Variants in MSRA observed in about 807,000 individuals in gnomAD.
MSRA encodes methionine sulfoxide reductase A.
Under a neutral mutation model 31.3 loss-of-function variants are expected in MSRA, and 54 were observed. That is an observed-to-expected ratio of 1.73 (90% CI 1.39 to 2.17). MSRA has a LOEUF of 2.17. Among genes scored for constraint, MSRA ranks in the 30% most tolerant of loss-of-function variants. The probability of loss-of-function intolerance (pLI) is 0.00; values close to 1 mark genes in which losing one functional copy is unlikely to be tolerated. For synonymous variants in MSRA, 169 were observed against 116.5 expected (o/e 1.45, Z -2.90); for missense variants, 507 against 300.9 (o/e 1.69, Z -5.07).
At chr8:10,115,011 A>G (rs888317669) in intron 1 of MSRA, among the ~76,000 whole-genome samples, 3 of 152,230 alleles carry the variant, frequency 2.0e-5, no homozygotes, top group East Asian at 1.9e-4. Context: ...ATTAGTTATT[A>G]AACAGTGTAG....
At chr8:10,056,818 C>G (rs966736540) in intron 1 of MSRA, among the ~76,000 whole-genome samples, 2 of 152,266 alleles carry the variant, frequency 1.3e-5, no homozygotes, top group African/African-American at 4.8e-5. Flanking sequence ...CTCCTCCCTT[C>G]TCTATATTAC....
At chr8:10,122,328 C>T (rs1406007538) in intron 1 of MSRA, among the ~76,000 whole-genome samples, 2 of 152,200 alleles carry the variant, frequency 1.3e-5, no homozygotes, top group Non-Finnish European at 2.9e-5. Flanking sequence ...GAGAAGCATA[C>T]TTTGTGAGGA....
intron 1 of MSRA, among the ~76,000 whole-genome samples, chr8:10,195,946 G>C (rs991148862): frequency 2.0e-5 from 3 of 152,224 alleles, no homozygotes; most frequent in Non-Finnish European, 2.9e-5. Context: ...CAGTGTTCAA[G>C]GGTGAAAGGT....
At chr8:10,220,926 A>G (rs925258547) in intron 2 of MSRA, among the ~76,000 whole-genome samples, 1 of 152,198 alleles carries the variant, frequency 6.6e-6, no homozygotes, top group African/African-American at 2.4e-5. Context: ...AGGAGCAGGA[A>G]GTGACAGCTA....
In MSRA at chr8:10,067,874, G is replaced by GTT. The variant is rs71203303; in HGVS notation, c.142+13243_142+13244dup. Among the ~76,000 whole-genome samples, 6 of 49,368 alleles carry GTT rather than the reference G, an allele frequency of 1.2e-4. 1 individual carries two copies. Among genetic ancestry groups the GTT allele is most frequent in the African/African-American group, 3.3e-4 (6 of 17,984 alleles). 32.4% of individuals were successfully genotyped at this position (49,368 alleles called of 152,430 possible). On this transcript the variant is annotated intron_variant, in intron 1 of 5. Coordinates refer to ENST00000317173, the MANE Select transcript of MSRA (RefSeq NM_012331.5). ...TTCAGTTGGGTTGTTTTCTTACTGA[G>GTT]TTTTTTTTTTTTTTTTTTTTTTTTT...
At chr8:10,164,249 C>G (rs550355110) in intron 1 of MSRA, among the ~76,000 whole-genome samples, 2 of 152,322 alleles carry the variant, frequency 1.3e-5, no homozygotes, top group East Asian at 1.9e-4. Context: ...CTAGTCTTAT[C>G]TGTCCTGACC....
At chr8:10,068,966 T>G (rs1797598953) in intron 1 of MSRA, among the ~76,000 whole-genome samples, 1 of 152,234 alleles carries the variant, frequency 6.6e-6, no homozygotes, top group South Asian at 2.1e-4. Context: ...CATCAGATTT[T>G]TAGTCTTGTT....
chr8:10,206,239 G>A (rs926307080), intron 1 of MSRA, among the ~76,000 whole-genome samples: 1 of 152,108 alleles, frequency 6.6e-6, no homozygotes, highest in Non-Finnish European at 1.5e-5. Flanking sequence ...GTAACCAGTG[G>A]TCCTAACCAG....
chr8:10,402,520 C>T (rs569225062), intron 5 of MSRA, among the ~76,000 whole-genome samples: 3 of 152,340 alleles, frequency 2.0e-5, no homozygotes, highest in African/African-American at 7.2e-5. Context: ...CGCAAGCATC[C>T]AGTGCCCCCA....
At chr8:10,343,918 G>A (rs1803604633) in intron 5 of MSRA, among the ~76,000 whole-genome samples, 1 of 152,158 alleles carries the variant, frequency 6.6e-6, no homozygotes, top group South Asian at 2.1e-4. Context: ...TATCAATAAT[G>A]AATGAATCAA....
At chr8:10,250,805 C>T in intron 3 of MSRA, 1 of 262,306 alleles carries the variant, frequency 3.8e-6, no homozygotes, top group Non-Finnish European at 7.1e-6. Flanking sequence ...GGCAATGCTG[C>T]TTGATGAAAC....
chr8:10,221,120 C>T (rs1451072687), intron 2 of MSRA, among the ~76,000 whole-genome samples: 1 of 152,180 alleles, frequency 6.6e-6, no homozygotes, highest in Non-Finnish European at 1.5e-5. Flanking sequence ...CTCTGCTTTC[C>T]CACGTGCAGA....
At chr8:10,165,288 T>A (rs945754250) in intron 1 of MSRA, among the ~76,000 whole-genome samples, 2 of 152,176 alleles carry the variant, frequency 1.3e-5, no homozygotes, top group African/African-American at 4.8e-5. Context: ...GAACAACCAC[T>A]CTGCTCTCCA....
chr8:10,239,578 C>G (rs1294163590), intron 2 of MSRA, among the ~76,000 whole-genome samples: 3 of 152,232 alleles, frequency 2.0e-5, no homozygotes, highest in African/African-American at 4.8e-5. Flanking sequence ...ACGATTGTAC[C>G]TGGCAAACTC....
At chr8:10,400,858 A>G (rs1436478146) in intron 5 of MSRA, among the ~76,000 whole-genome samples, 2 of 152,208 alleles carry the variant, frequency 1.3e-5, no homozygotes, top group Admixed American at 6.5e-5. Flanking sequence ...ACCTCACACC[A>G]TACACAACAA....
At chr8:10,408,189 C>G (rs1316526186) in intron 5 of MSRA, among the ~76,000 whole-genome samples, 1 of 152,120 alleles carries the variant, frequency 6.6e-6, no homozygotes, top group Non-Finnish European at 1.5e-5. Context: ...AATCGGGCTT[C>G]TCAGCATCAT....
chr8:10,111,336 C>T (rs972195285), intron 1 of MSRA, among the ~76,000 whole-genome samples: 9 of 152,118 alleles, frequency 5.9e-5, no homozygotes, highest in African/African-American at 1.9e-4. Context: ...ACCCTTGCCC[C>T]CTCCCTCATT....
chr8:10,165,497 C>T (rs1280425368), intron 1 of MSRA, among the ~76,000 whole-genome samples: 1 of 152,128 alleles, frequency 6.6e-6, no homozygotes, highest in Non-Finnish European at 1.5e-5. Context: ...AGACTAAAGA[C>T]AGGCAAGGGG....
At chr8:10,215,181 C>T (rs577541707) in intron 2 of MSRA, among the ~76,000 whole-genome samples, 160 of 152,272 alleles carry the variant, frequency 1.1e-3, no homozygotes, top group Middle Eastern at 3.4e-3. Context: ...TCTCCCATTT[C>T]GGTTGTAAGT....
Sources: allele counts gnomAD v4.1 joint callset (sites outside exome capture counted in the v4.1 genomes callset), GRCh38; gene constraint gnomAD v4.1.1; transcripts MANE v1.5; gene names NCBI Gene and HGNC (gene_info 2026-07-23, HGNC 2026-07-21).